SRRM4: variants seen among roughly 807,000 people sequenced by gnomAD.
The protein encoded by SRRM4 is serine/arginine repetitive matrix protein 4.
In SRRM4, 33 loss-of-function variants were observed where a neutral mutation model predicts 68.9. That is an observed-to-expected ratio of 0.48 (90% confidence interval 0.36 to 0.64). SRRM4 has a LOEUF of 0.64. SRRM4 is among the 30% of genes least tolerant of loss of function. SRRM4 has a pLI of 0.00. For missense variants in SRRM4, 817 were observed against 827.1 expected (o/e 0.99, Z 0.15); for synonymous variants, 318 against 318.8 (o/e 1.00, Z 0.03).
chr12:119,102,168 A>C (rs1335228950), intron 1 of SRRM4, 68 bp from the exon 2 acceptor site: 22 of 1,440,104 alleles, frequency 1.5e-5, no homozygotes, highest in Admixed American at 2.0e-5. Context: ...AATTCTATGA[A>C]TATTTAATGA....
chr12:119,017,148 C>T (rs1369092256), intron 1 of SRRM4, among the ~76,000 whole-genome samples: 1 of 152,198 alleles, frequency 6.6e-6, no homozygotes, highest in African/African-American at 2.4e-5. Context: ...TGTTTTATTC[C>T]ATTTTTAATC....
chr12:119,031,215 G>A (rs1953587217), intron 1 of SRRM4: 1 of 152,206 alleles, frequency 6.6e-6, no homozygotes, highest in Non-Finnish European at 1.5e-5. Context: ...GTGGTTGTTA[G>A]CAGGATTCAG....
In SRRM4 at chr12:119,159,962, G is replaced by T. The variant is rs1311599201; in HGVS notation, c.*3164G>T. The stretch of plus-strand genomic sequence containing the variant: ...GAAGGTCATTTCCAAACCCATCCTG[G>T]AAGGGCCCAGGATCCAAAGGTCATC... On this transcript the variant is annotated 3_prime_UTR_variant, in exon 13 of 13. Coordinates refer to ENST00000267260, the MANE Select transcript of SRRM4 (RefSeq NM_194286.4). 6.6e-6 allele frequency: 1 copy of T among 151,756 alleles called. No individual in the cohort carries two copies. Among genetic ancestry groups the T allele is most frequent in the African/African-American group, 2.4e-5 (1 of 41,302 alleles). 9.4% of individuals were successfully genotyped at this position (151,756 alleles called of 1,614,324 possible).
At chr12:119,048,456 T>A (rs966259341) in intron 1 of SRRM4, among the ~76,000 whole-genome samples, 3 of 152,206 alleles carry the variant, frequency 2.0e-5, no homozygotes, top group African/African-American at 7.2e-5. Context: ...CTGGGAGATA[T>A]TCTCATCACT....
At chr12:119,094,697 G>A (rs1954032831) in intron 1 of SRRM4, among the ~76,000 whole-genome samples, 1 of 152,174 alleles carries the variant, frequency 6.6e-6, no homozygotes, top group Non-Finnish European at 1.5e-5. Context: ...CATTCCCCAG[G>A]AGGGGTTAGG....
Position 119,035,221 on chromosome 12 carries a change from C to T in SRRM4, c.131+53208C>T, listed in dbSNP as rs181391785. Among the ~76,000 whole-genome samples the T allele has an allele frequency of 1.9e-4, 29 of 152,164 alleles. No homozygotes were observed. The East Asian group carries it at 5.6e-3, about 29-fold the overall frequency. On this transcript the variant is annotated intron_variant, in intron 1 of 12. Coordinates refer to ENST00000267260, the MANE Select transcript of SRRM4 (RefSeq NM_194286.4). ...AATTCGTGGGTCACAATTTTTTCCC[C>T]CTGAAAACTGCAATGTTTTTATTGT... is the stretch of plus-strand genomic sequence containing the variant.
intron 1 of SRRM4, among the ~76,000 whole-genome samples, chr12:119,078,929 AAAAAAAT>A (rs1235350632): frequency 6.6e-6 from 1 of 152,128 alleles, no homozygotes; most frequent in Non-Finnish European, 1.5e-5. Flanking sequence ...GACTTGTATC[AAAAAAAT>A]AAAAAATAAA....
At position 119,041,677 on chromosome 12, in the gene SRRM4, G is replaced by A. The variant is rs116050453; in HGVS notation, c.131+59664G>A. The stretch of plus-strand genomic sequence containing the variant: ...TTTGTAGGATGCCTTTGTATTTTTA[G>A]AGAGAACTGCTGTGGACTGGGTACA... On this transcript the variant is annotated intron_variant, in intron 1 of 12. Transcript: ENST00000267260. 3.7e-3 allele frequency among the ~76,000 whole-genome samples: 560 copies of A among 152,264 alleles called. 12 individuals carry two copies. Among genetic ancestry groups the A allele is most frequent in the African/African-American group, 0.013 (522 of 41,530 alleles).
chr12:119,149,416 G>C (rs1020969868), intron 9 of SRRM4, among the ~76,000 whole-genome samples: 45 of 152,348 alleles, frequency 3.0e-4, no homozygotes, highest in African/African-American at 1.1e-3. Context: ...GAAATTCTCA[G>C]AACATTGAAA....
intron 1 of SRRM4, among the ~76,000 whole-genome samples, chr12:119,026,059 G>T (rs1300198199): frequency 6.6e-6 from 1 of 151,912 alleles, no homozygotes; most frequent in Non-Finnish European, 1.5e-5. Flanking sequence ...CACATTGGAG[G>T]TCCTGGTGCC....
chr12:119,001,307 C>A (rs1046564372), intron 1 of SRRM4: 1 of 152,220 alleles, frequency 6.6e-6, no homozygotes. Context: ...CAACACTCCT[C>A]TTTAAATTTC....
intron 1 of SRRM4, among the ~76,000 whole-genome samples, chr12:119,096,558 G>C (rs73408077): frequency 0.029 from 4,413 of 152,300 alleles, 219 homozygotes; most frequent in African/African-American, 0.1. Context: ...GTGATGTGGA[G>C]AGAACGCTGG....
At chr12:119,092,411 G>A (rs896175771) in intron 1 of SRRM4, among the ~76,000 whole-genome samples, 1 of 151,788 alleles carries the variant, frequency 6.6e-6, no homozygotes, top group Non-Finnish European at 1.5e-5. Context: ...AATCTAACTG[G>A]CATCTCAAAA....
chr12:119,082,752 C>A (rs1383390339), intron 1 of SRRM4, among the ~76,000 whole-genome samples: 1 of 152,190 alleles, frequency 6.6e-6, no homozygotes, highest in Admixed American at 6.5e-5. Flanking sequence ...CCAGAAGAGC[C>A]CTCCAGTGTA....
At chr12:119,113,427 G>A (rs1329541181) in intron 2 of SRRM4, among the ~76,000 whole-genome samples, 1 of 152,188 alleles carries the variant, frequency 6.6e-6, no homozygotes, top group Non-Finnish European at 1.5e-5. Context: ...TAACCTTTCT[G>A]AGGCTCAAGA....
intron 1 of SRRM4, among the ~76,000 whole-genome samples, chr12:119,033,365 T>G (rs74882047): frequency 6.6e-6 from 1 of 152,230 alleles, no homozygotes; most frequent in East Asian, 1.9e-4. Flanking sequence ...AGAGTACATC[T>G]CTAAAAAATA....
intron 1 of SRRM4, among the ~76,000 whole-genome samples, chr12:119,050,252 T>A (rs900651441): frequency 6.6e-6 from 1 of 152,230 alleles, no homozygotes; most frequent in East Asian, 1.9e-4. Flanking sequence ...AGGCATAACA[T>A]GGTTTTCAAC....
intron 1 of SRRM4, among the ~76,000 whole-genome samples, chr12:119,065,922 G>T (rs1436677611): frequency 6.6e-6 from 1 of 152,002 alleles, no homozygotes; most frequent in Non-Finnish European, 1.5e-5. Context: ...GTGAATTAAT[G>T]AAGGTATTTT....
At chr12:119,072,803 A>G (rs1255521885) in intron 1 of SRRM4, among the ~76,000 whole-genome samples, 1 of 152,174 alleles carries the variant, frequency 6.6e-6, no homozygotes, top group Non-Finnish European at 1.5e-5. Flanking sequence ...GGCACTTCAC[A>G]TGCATGAATT....
Sources: gnomAD v4.1 joint callset for allele counts (sites outside exome capture counted in the v4.1 genomes callset) on GRCh38, gnomAD v4.1.1 for gene constraint, MANE v1.5 for transcripts, NCBI Gene and HGNC (gene_info 2026-07-23, HGNC 2026-07-21) for gene names.